RB1CC1: variants seen among roughly 807,000 people sequenced by gnomAD.
RB1CC1 encodes RB1-inducible coiled-coil protein 1.
RB1CC1 carries 46 observed loss-of-function variants against 177.5 expected under a neutral mutation model. The observed-to-expected ratio is 0.26, with a 90% CI of 0.20 to 0.33. The LOEUF is 0.33. Ranked by LOEUF, RB1CC1 falls within the 10% of genes least tolerant of loss-of-function variation. The pLI, the probability that RB1CC1 is intolerant of heterozygous loss-of-function variation, is 1.00. For synonymous variants in RB1CC1, 666 were observed against 613.6 expected, an observed-to-expected ratio of 1.09 and a Z score of -1.26; for missense variants, 1,703 against 1,816.3, an observed-to-expected ratio of 0.94 and a Z score of 1.13.
intron 1 of RB1CC1, among the ~76,000 whole-genome samples, chr8:52,702,503 G>A (rs1258161005): frequency 2.0e-5 from 3 of 152,116 alleles, no homozygotes; most frequent in Non-Finnish European, 4.4e-5. Flanking sequence ...GATCACTTGA[G>A]GTCAGGAGTT....
chr8:52,687,191 C>T (rs2150613215), intron 1 of RB1CC1, among the ~76,000 whole-genome samples: 1 of 152,242 alleles, frequency 6.6e-6, no homozygotes, highest in South Asian at 2.1e-4. Context: ...GCCATTTCCA[C>T]AACAATTCCT....
At position 52,656,637 on chromosome 8, in the gene RB1CC1, A is replaced by G; in HGVS notation, c.3192T>C (p.Leu1064=). The change falls in exon 15 of 24, where the codon CTT becomes CTC. Residue 1064 remains leucine, a synonymous_variant. Coordinates refer to ENST00000025008, the MANE Select transcript of RB1CC1 (RefSeq NM_014781.5). The part of the protein sequence containing the change: ...SDTRCKLEVE[L]ALKEAETDEI... ...CATCAGTTTCTGCTTCCTTCAACGC[A>G]AGTTCAACCTCTAACTTGCATCTCG... 6.2e-7 allele frequency: 1 copy of G among 1,613,864 alleles called. No homozygotes were observed. The highest frequency in any genetic ancestry group is 8.5e-7 in the Non-Finnish European group (1 of 1,179,900).
chr8:52,671,899 G>A (rs957729916), intron 7 of RB1CC1, among the ~76,000 whole-genome samples: 1 of 151,902 alleles, frequency 6.6e-6, no homozygotes, highest in Non-Finnish European at 1.5e-5. Context: ...CAACTAATGA[G>A]TACTATATTA....
At chr8:52,689,434 T>C (rs1409096470) in intron 1 of RB1CC1, among the ~76,000 whole-genome samples, 2 of 152,190 alleles carry the variant, frequency 1.3e-5, no homozygotes, top group African/African-American at 4.8e-5. Context: ...TCAACCTCCA[T>C]GCTGCCTTCA....
intron 1 of RB1CC1, among the ~76,000 whole-genome samples, chr8:52,693,168 C>A (rs905815403): frequency 1.3e-5 from 2 of 152,084 alleles, no homozygotes; most frequent in African/African-American, 4.8e-5. Flanking sequence ...AACTATGAAA[C>A]CCTAGAAGAA....
chr8:52,677,909 A>C (rs1460376358), intron 5 of RB1CC1, among the ~76,000 whole-genome samples: 1 of 152,210 alleles, frequency 6.6e-6, no homozygotes, highest in African/African-American at 2.4e-5. Flanking sequence ...GGGTACATTA[A>C]AGCAAGAAGT....
chr8:52,630,054 A>G (rs1848649758), intron 21 of RB1CC1, among the ~76,000 whole-genome samples: 1 of 152,204 alleles, frequency 6.6e-6, no homozygotes, highest in African/African-American at 2.4e-5. Context: ...TTTCATTGAC[A>G]ATTTGTTTAT....
At chr8:52,691,247 A>C (rs1361984837) in intron 1 of RB1CC1, among the ~76,000 whole-genome samples, 1 of 152,142 alleles carries the variant, frequency 6.6e-6, no homozygotes, top group African/African-American at 2.4e-5. Context: ...AGTATAGACG[A>C]CCTCAGTTCC....
chr8:52,642,733 CT>C lies in RB1CC1; in HGVS notation c.4066del (p.Ser1356ValfsTer12). On this transcript the variant is annotated frameshift_variant, in exon 17 of 24. Transcript: ENST00000025008. LOFTEE classifies it high-confidence loss of function. ...IINDLSDKLK[S>X]TMQQQERDKD... ...ATCCCGTTCTTGTTGCTGCATTGTA[CT>C]TTTCAACTTATCACTAAGATCATTT... 2 of 1,581,500 alleles carry C rather than the reference CT, an allele frequency of 1.3e-6. No homozygotes were observed. The highest frequency in any genetic ancestry group is 1.7e-6 in the Non-Finnish European group (2 of 1,170,694).
At chr8:52,699,830 A>AAAAAATATAT (rs1554557119) in intron 1 of RB1CC1, among the ~76,000 whole-genome samples, 6 of 26,716 alleles carry the variant, frequency 2.2e-4, no homozygotes, top group Admixed American at 8.1e-4. Context: ...AAAAAAAAAA[A>AAAAAATATAT]ATATATATAT....
intron 1 of RB1CC1, among the ~76,000 whole-genome samples, chr8:52,711,950 C>A (rs1857093930): frequency 6.6e-6 from 1 of 152,072 alleles, no homozygotes; most frequent in African/African-American, 2.4e-5. Flanking sequence ...AATCAGTGGC[C>A]GGGCTTTGGG....
At chr8:52,638,312 C>T (rs1424397677) in intron 18 of RB1CC1, among the ~76,000 whole-genome samples, 2 of 152,086 alleles carry the variant, frequency 1.3e-5, no homozygotes, top group African/African-American at 2.4e-5. Context: ...TTAAACCAAC[C>T]TTGCATTTCT....
At chr8:52,635,959 C>T (rs768369266) in intron 19 of RB1CC1, 56 bp downstream of exon 19, 26 of 1,576,574 alleles carry the variant, frequency 1.6e-5, no homozygotes, top group Non-Finnish European at 2.0e-5. Context: ...TGAAGTTTAA[C>T]TGTATCCAAA....
chr8:52,653,458 G>A (rs1477142545), intron 15 of RB1CC1, among the ~76,000 whole-genome samples: 3 of 151,878 alleles, frequency 2.0e-5, no homozygotes, highest in Non-Finnish European at 2.9e-5. Context: ...AGAATGAACC[G>A]GTTAAAGACC....
chr8:52,659,291 AAC>A (rs774108487), intron 12 of RB1CC1, among the ~76,000 whole-genome samples: 25 of 152,122 alleles, frequency 1.6e-4, no homozygotes, highest in Non-Finnish European at 3.1e-4. Flanking sequence ...ACATATGGTA[AAC>A]ACATATGTAA....
intron 12 of RB1CC1, among the ~76,000 whole-genome samples, chr8:52,659,524 AT>A (rs897464022): frequency 9.2e-5 from 14 of 152,140 alleles, no homozygotes; most frequent in African/African-American, 3.4e-4. Flanking sequence ...CAAGAGTTGC[AT>A]TAAAAAAAAA....
At chr8:52,660,371 T>TATAA (rs1482584541) in intron 12 of RB1CC1, among the ~76,000 whole-genome samples, 3 of 152,222 alleles carry the variant, frequency 2.0e-5, no homozygotes, top group African/African-American at 7.2e-5. Context: ...AACAGTGCAG[T>TATAA]ATAAGGTATC....
At chr8:52,641,629 T>G (rs1849591856) in intron 18 of RB1CC1, among the ~76,000 whole-genome samples, 1 of 151,946 alleles carries the variant, frequency 6.6e-6, no homozygotes, top group African/African-American at 2.4e-5. Context: ...TTCGAATTAC[T>G]TCATCTCACA....
chr8:52,663,821 A>G (rs193230607), intron 8 of RB1CC1, among the ~76,000 whole-genome samples: 1 of 152,264 alleles, frequency 6.6e-6, no homozygotes, highest in Admixed American at 6.5e-5. Flanking sequence ...TCATTTTATT[A>G]AGTATTGATG....
Sources: allele counts gnomAD v4.1 joint callset (sites outside exome capture counted in the v4.1 genomes callset), GRCh38; gene constraint gnomAD v4.1.1; transcripts MANE v1.5; gene names NCBI Gene and HGNC (gene_info 2026-07-23, HGNC 2026-07-21).